Variants in ZIC4 observed in about 807,000 individuals in gnomAD.
ZIC4 encodes Zic family zinc finger 4.
A neutral mutation model predicts 28.8 loss-of-function variants in ZIC4; 15 were observed. That is an observed-to-expected ratio of 0.52 (90% CI 0.35 to 0.80). The LOEUF (loss-of-function observed/expected upper bound fraction) is 0.80, where lower values mean the gene tolerates loss of function less well. Ranked by LOEUF, ZIC4 falls within the 30% of genes least tolerant of loss-of-function variation. The pLI, the probability that ZIC4 is intolerant of heterozygous loss-of-function variation, is 0.01. For synonymous variants in ZIC4, 220 were observed against 198.1 expected (o/e 1.11, Z -0.93); for missense variants, 512 against 467.1 (o/e 1.10, Z -0.89).
At position 147,386,739 on chromosome 3, in the gene ZIC4, C is replaced by T. The variant is rs777244139; in HGVS notation, c.*2120G>A. ...AAGGATGGGCATTTACATGCATTTT[C>T]GATCACTGTGTTGTAGACCAAACCT... On this transcript the variant is annotated 3_prime_UTR_variant, in exon 5 of 5. Transcript: ENST00000383075. 2.0e-5 allele frequency: 3 copies of T among 152,222 alleles called. No individual in the cohort carries two copies. The highest frequency in any genetic ancestry group is 7.2e-5 in the African/African-American group (3 of 41,452). 9.4% of individuals were successfully genotyped at this position (152,222 alleles called of 1,614,324 possible). A position where few individuals can be genotyped will look rare whatever the true frequency, so the allele number is the denominator to read the frequency against.
At position 147,396,620 on chromosome 3, in the gene ZIC4, G is replaced by T; in HGVS notation, c.71-151C>A. The T allele has an allele frequency of 8.7e-6, 9 of 1,039,532 alleles. No homozygotes were observed. The highest frequency in any genetic ancestry group is 1.0e-5 in the Non-Finnish European group (8 of 762,506). The allele number at this position is 1,039,532 out of a possible 1,614,324, so 64.4% of individuals were successfully genotyped here. On this transcript the variant is annotated intron_variant, in intron 2 of 4. Transcript: ENST00000383075. This position sits in a 1 kb window ranked among gnomAD's most constrained non-coding sequence, Gnocchi z 4.2. ...GCCAGACAGCGCCAGCAGTGAACCC[G>T]GTGGACAGAGCAAGGCCAAACACCT... is the stretch of plus-strand genomic sequence containing the variant.
chr3:147,402,782 A>T lies in ZIC4; in HGVS notation c.16T>A (p.Ser6Thr). The T allele has an allele frequency of 1.9e-6, 3 of 1,613,934 alleles. No homozygotes were observed. The highest frequency in any genetic ancestry group is 2.5e-6 in the Non-Finnish European group (3 of 1,179,978). ...CGTAATCGTTTCCTCATCACCAAGG[A>T]TGTCTTGTATCTCATTTTCTGACTT... The part of the protein sequence containing the change: MRYKT[S>T]LVMRKRLRLY... Residue 6 changes from serine to threonine, a missense_variant, in exon 2 of 5, where the codon TCC (serine) becomes ACC (threonine). Around this residue, in one of 3 missense-constraint regions of ZIC4, gnomAD observed 310 missense variants for 256.5 expected, o/e 1.21. Coordinates refer to ENST00000383075, the MANE Select transcript of ZIC4 (RefSeq NM_032153.6).
intron 3 of ZIC4, chr3:147,391,886 G>C (rs944125729): frequency 1.2e-6 from 1 of 843,790 alleles, no homozygotes; most frequent in African/African-American, 1.8e-5. Flanking sequence ...CACTTCAGAA[G>C]AGATTTTTAC....
At chr3:147,400,254 A>G (rs2087137676) in intron 2 of ZIC4, among the ~76,000 whole-genome samples, 1 of 152,170 alleles carries the variant, frequency 6.6e-6, no homozygotes, top group African/African-American at 2.4e-5. Context: ...CTCCAGGGTT[A>G]AGAAACAGAG....
rs565854112 is a variant in ZIC4 at position 147,391,400 on chromosome 3, T to A, written c.689-154A>T. 17 of 1,001,738 alleles carry A rather than the reference T, an allele frequency of 1.7e-5. No homozygotes were observed. In the South Asian group the frequency reaches 2.8e-4, roughly 17 times the overall value. The allele number at this position is 1,001,738 out of a possible 1,614,324, so 62.1% of individuals were successfully genotyped here. A position where few individuals can be genotyped will look rare whatever the true frequency, so the allele number is the denominator to read the frequency against. On this transcript the variant is annotated intron_variant, in intron 3 of 4. Transcript: ENST00000383075. ...CGGCGCCTCAGGTCGAGCACCCCTT[T>A]CCCTCGTGCAGAGAGCGCCCCCGGT...
intron 3 of ZIC4, chr3:147,392,152 G>C (rs919093071): frequency 1.5e-5 from 15 of 985,482 alleles, no homozygotes; most frequent in East Asian, 2.3e-4. Flanking sequence ...GTCCTAAGAC[G>C]AGGGGTTGGC....
intron 3 of ZIC4, among the ~76,000 whole-genome samples, chr3:147,394,428 A>G (rs2086993739): frequency 1.3e-5 from 2 of 151,546 alleles, no homozygotes; most frequent in African/African-American, 4.9e-5. Context: ...CACAGAATTC[A>G]AACAGTGGGC....
At position 147,396,667 on chromosome 3, in the gene ZIC4, G is replaced by A. The variant is rs2087052145; in HGVS notation, c.71-198C>T. On this transcript the variant is annotated intron_variant, in intron 2 of 4. Coordinates refer to ENST00000383075, the MANE Select transcript of ZIC4 (RefSeq NM_032153.6). The surrounding 1 kb of genome is among the most constrained non-coding windows in gnomAD (Gnocchi z 4.2). ...ACCTCCGCCGCCATTGGGCCGAATTGCTGTTGGGCCAAGTCCCCCGCCGCG... is the reference window on the plus strand; with the variant it reads ...ACCTCCGCCGCCATTGGGCCGAATTACTGTTGGGCCAAGTCCCCCGCCGCG... 6.7e-6 allele frequency: 4 copies of A among 598,080 alleles called. No individual in the cohort carries two copies. Among genetic ancestry groups the A allele is most frequent in the Non-Finnish European group, 1.1e-5 (4 of 379,454 alleles). 37.0% of individuals were successfully genotyped at this position (598,080 alleles called of 1,614,324 possible).
At chr3:147,401,232 G>C (rs1176159771) in intron 2 of ZIC4, among the ~76,000 whole-genome samples, 1 of 152,048 alleles carries the variant, frequency 6.6e-6, no homozygotes, top group African/African-American at 2.4e-5. Context: ...AGAACATTTG[G>C]TGGCCCTACC....
chr3:147,402,657 T>TTA, intron 2 of ZIC4, 71 bp downstream of exon 2: 1 of 1,126,238 alleles, frequency 8.9e-7, no homozygotes, highest in Non-Finnish European at 1.2e-6. Flanking sequence ...ACTTCCTACT[T>TTA]AAAAAAAAAA....
intron 2 of ZIC4, among the ~76,000 whole-genome samples, chr3:147,399,997 C>T (rs1435849398): frequency 6.6e-6 from 1 of 152,144 alleles, no homozygotes; most frequent in Non-Finnish European, 1.5e-5. Context: ...GTGACCCCAC[C>T]TCCATCAAAA....
At chr3:147,401,504 C>G (rs2087164586) in intron 2 of ZIC4, among the ~76,000 whole-genome samples, 1 of 152,180 alleles carries the variant, frequency 6.6e-6, no homozygotes, top group African/African-American at 2.4e-5. Context: ...AATCAATAGT[C>G]ACTTGTTCAG....
At chr3:147,400,568 T>A (rs759220861) in intron 2 of ZIC4, among the ~76,000 whole-genome samples, 4 of 152,220 alleles carry the variant, frequency 2.6e-5, no homozygotes, top group Non-Finnish European at 5.9e-5. Flanking sequence ...TAGAGCTATA[T>A]GGTCTATATG....
chr3:147,391,622 G>A lies in ZIC4; in HGVS notation c.689-376C>T, dbSNP rs893832380. 6 of 181,330 alleles carry A rather than the reference G, an allele frequency of 3.3e-5. No homozygotes were observed. In the East Asian group the frequency reaches 9.0e-4, roughly 27 times the overall value. The allele number at this position is 181,330 out of a possible 1,614,324, so 11.2% of individuals were successfully genotyped here. ...TGCTCGGAAATACATTAACGGAGGAGCTCACAATATAGTTAACGGGGAAGC... is the reference window on the plus strand; with the variant it reads ...TGCTCGGAAATACATTAACGGAGGAACTCACAATATAGTTAACGGGGAAGC... On this transcript the variant is annotated intron_variant, in intron 3 of 4. Coordinates refer to ENST00000383075, the MANE Select transcript of ZIC4 (RefSeq NM_032153.6).
At chr3:147,388,967 CAG>C in intron 4 of ZIC4, 108 bp from the exon 5 acceptor site, 1 of 711,042 alleles carries the variant, frequency 1.4e-6, no homozygotes, top group East Asian at 2.5e-5. Context: ...AGCTTAGAAA[CAG>C]AAGACAAAGA....
intron 2 of ZIC4, among the ~76,000 whole-genome samples, chr3:147,399,741 A>T (rs780603996): frequency 2.7e-5 from 4 of 150,574 alleles, no homozygotes; most frequent in Non-Finnish European, 5.9e-5. Flanking sequence ...TCTTGGCTCA[A>T]TGCAACCTCT....
At chr3:147,393,887 CAA>C in intron 3 of ZIC4, 1 of 456,690 alleles carries the variant, frequency 2.2e-6, no homozygotes, top group East Asian at 7.0e-5. Flanking sequence ...GTGACCGCCA[CAA>C]AGTGAATCCT....
chr3:147,400,239 C>T (rs1280473338), intron 2 of ZIC4, among the ~76,000 whole-genome samples: 1 of 152,208 alleles, frequency 6.6e-6, no homozygotes, highest in Non-Finnish European at 1.5e-5. Context: ...CACTGACTCT[C>T]TGGACTCCAG....
intron 2 of ZIC4, among the ~76,000 whole-genome samples, chr3:147,399,366 T>G (rs1262938195): frequency 6.6e-6 from 1 of 152,178 alleles, no homozygotes; most frequent in Non-Finnish European, 1.5e-5. Flanking sequence ...GTATGTTGAA[T>G]GATGCAATTG....
Sources: allele counts gnomAD v4.1 joint callset (sites outside exome capture counted in the v4.1 genomes callset), GRCh38; gene constraint gnomAD v4.1.1; regional missense constraint gnomAD v4.1.1; non-coding constraint Gnocchi (gnomAD v3.1); transcripts MANE v1.5; gene names NCBI Gene and HGNC (gene_info 2026-07-23, HGNC 2026-07-21).